The following DIAPH2 variants were observed in gnomAD, a reference collection of about 807,000 sequenced individuals.
The protein encoded by DIAPH2 is diaphanous related formin 2.
Under a neutral mutation model 92.7 loss-of-function variants are expected in DIAPH2, and 35 were observed. The observed-to-expected ratio is 0.38, with a 90% CI of 0.29 to 0.50. The LOEUF is 0.50. Ranked by LOEUF, DIAPH2 falls within the 20% of genes least tolerant of loss-of-function variation. The pLI, the probability that DIAPH2 is intolerant of heterozygous loss-of-function variation, is 0.94. For synonymous variants in DIAPH2, 301 were observed against 280.4 expected (o/e 1.07, Z -0.73); for missense variants, 701 against 819.5 (o/e 0.86, Z 1.77).
At chrX:97,392,240 TAA>T (rs1426823985) in intron 25 of DIAPH2, among the ~76,000 whole-genome samples, 1 of 111,425 alleles carries the variant, frequency 9.0e-6, no homozygotes, top group Non-Finnish European at 1.9e-5. Context: ...TAGTGAAGAT[TAA>T]GTGAGATAAT....
At chrX:96,806,907 A>AT (rs1429822647) in intron 4 of DIAPH2, among the ~76,000 whole-genome samples, 3 of 108,744 alleles carry the variant, frequency 2.8e-5, no homozygotes, top group Non-Finnish European at 5.7e-5. Flanking sequence ...CGCCCATCTA[A>AT]TTTTTTGTAT....
chrX:96,685,301 T>A, intron 1 of DIAPH2, 111 bp downstream of exon 1: 1 of 857,896 alleles, frequency 1.2e-6, no homozygotes, highest in Non-Finnish European at 1.5e-6. Context: ...GACCGCGACC[T>A]CGCTGTGCAA....
At chrX:97,111,977 G>A (rs183069728) in intron 20 of DIAPH2, among the ~76,000 whole-genome samples, 2 of 112,490 alleles carry the variant, frequency 1.8e-5, no homozygotes, top group African/African-American at 6.4e-5. Flanking sequence ...CTGGCACAAA[G>A]TACTTAATAA....
At chrX:96,826,839 A>G (rs748865230) in intron 4 of DIAPH2, among the ~76,000 whole-genome samples, 12 of 112,179 alleles carry the variant, frequency 1.1e-4, no homozygotes, top group South Asian at 3.7e-4. Context: ...CTCCCATCTC[A>G]GCCTCCCAAG....
At chrX:97,202,958 A>G (rs1225385633) in intron 22 of DIAPH2, among the ~76,000 whole-genome samples, 1 of 112,326 alleles carries the variant, frequency 8.9e-6, no homozygotes, top group Non-Finnish European at 1.9e-5. Flanking sequence ...AACAATGGAA[A>G]TCATAACAAG....
intron 24 of DIAPH2, among the ~76,000 whole-genome samples, chrX:97,369,152 C>T (rs1245170245): frequency 9.0e-6 from 1 of 111,043 alleles, no homozygotes; most frequent in Non-Finnish European, 1.9e-5. Context: ...AGGTGATCCG[C>T]CCGCCTCAGC....
At chrX:97,136,770 G>A (rs1428059356) in intron 21 of DIAPH2, among the ~76,000 whole-genome samples, 2 of 110,538 alleles carry the variant, frequency 1.8e-5, no homozygotes, top group Non-Finnish European at 3.8e-5. Context: ...AAAGCTTTTG[G>A]AGTCTTTGAT....
rs72265655 is a variant in DIAPH2 at position 97,321,544 on chromosome X, A to ATTT, written c.2845-26551_2845-26549dup. 1.5e-3 allele frequency among the ~76,000 whole-genome samples: 75 copies of ATTT among 48,406 alleles called. 1 individual carries two copies. The highest frequency in any genetic ancestry group is 1.8e-3 in the African/African-American group (24 of 13,057). 42.0% of individuals were successfully genotyped at this position (48,406 alleles called of 115,157 possible). ...TATGTGTTTTTGTTGTTGTGTTGTT[A>ATTT]TTTTTTTTTTTTTTTTTTTTTTTGA... On this transcript the variant is annotated intron_variant, in intron 23 of 26. Transcript: ENST00000324765.
intron 26 of DIAPH2, chrX:97,442,852 C>A (rs2070273198): frequency 8.9e-6 from 1 of 111,920 alleles, no homozygotes; most frequent in Admixed American, 9.5e-5. Flanking sequence ...ATCTTAAGCG[C>A]CACAGTTGTT....
chrX:96,692,548 C>A (rs2063803269), intron 1 of DIAPH2, among the ~76,000 whole-genome samples: 1 of 112,109 alleles, frequency 8.9e-6, no homozygotes, highest in Non-Finnish European at 1.9e-5. Flanking sequence ...AAGTTCACTT[C>A]TGTCTTTAAT....
At position 96,912,643 on chromosome X, in the gene DIAPH2, AT is replaced by A. The variant is rs200832036; in HGVS notation, c.732+99del. 2.5e-4 allele frequency: 242 copies of A among 977,969 alleles called. No homozygotes were observed. The African/African-American group carries it at 3.3e-3, about 13-fold the overall frequency. 80.6% of individuals were successfully genotyped at this position (977,969 alleles called of 1,213,427 possible). ...GAAATGAACAAAATATTTTTTTATT[AT>A]TTTTTTTAATTTCCAGGGTACATGT... On this transcript the variant is annotated intron_variant, in intron 7 of 26. Coordinates refer to ENST00000324765, the MANE Select transcript of DIAPH2 (RefSeq NM_006729.5).
At chrX:97,224,750 G>A (rs749790745) in intron 22 of DIAPH2, among the ~76,000 whole-genome samples, 32 of 111,558 alleles carry the variant, frequency 2.9e-4, no homozygotes, top group Admixed American at 1.5e-3. Flanking sequence ...ATATCTAAGT[G>A]TGCTAAGAAT....
chrX:97,252,681 T>C (rs2068197905), intron 23 of DIAPH2, among the ~76,000 whole-genome samples: 2 of 107,328 alleles, frequency 1.9e-5, no homozygotes, highest in Non-Finnish European at 3.8e-5. Context: ...AAAATAGAAA[T>C]GAAAGCAAAA....
intron 26 of DIAPH2, among the ~76,000 whole-genome samples, chrX:97,538,548 C>T (rs1192037879): frequency 9.0e-6 from 1 of 111,186 alleles, no homozygotes; most frequent in Non-Finnish European, 1.9e-5. Flanking sequence ...TGAAATTAAA[C>T]ATTTTTAATA....
At chrX:97,588,498 A>G (rs1164696530) in intron 26 of DIAPH2, among the ~76,000 whole-genome samples, 2 of 108,956 alleles carry the variant, frequency 1.8e-5, no homozygotes, top group Non-Finnish European at 1.9e-5. Context: ...TGTGATTTTT[A>G]TCATTGAAGT....
At chrX:97,015,657 A>G (rs1309382877) in intron 17 of DIAPH2, among the ~76,000 whole-genome samples, 1 of 110,947 alleles carries the variant, frequency 9.0e-6, no homozygotes, top group Non-Finnish European at 1.9e-5. Flanking sequence ...TGGCTTTGTA[A>G]CACATCTTCC....
intron 5 of DIAPH2, among the ~76,000 whole-genome samples, chrX:96,888,666 C>T (rs1156378442): frequency 2.9e-4 from 29 of 99,209 alleles, no homozygotes; most frequent in African/African-American, 9.7e-4. Flanking sequence ...CATGTATATA[C>T]AGATATATAT....
At position 97,429,681 on chromosome X, in the gene DIAPH2, T is replaced by C; in HGVS notation, c.3177T>C (p.Leu1059=). 1 of 1,210,574 alleles carries C rather than the reference T, an allele frequency of 8.3e-7. No homozygotes were observed. The highest frequency in any genetic ancestry group is 1.1e-6 in the Non-Finnish European group (1 of 895,160). ...ATGAGACTGGTGTGATGGATAATCTTCTAGAAGCCCTACAATCAGGTGCAG... is the reference window on the plus strand; with the variant it reads ...ATGAGACTGGTGTGATGGATAATCTCCTAGAAGCCCTACAATCAGGTGCAG... ...EGDETGVMDN[L]LEALQSGAAF... Residue 1059 remains leucine (L), a synonymous_variant, in exon 26 of 27, where the codon CTT becomes CTC. Transcript: ENST00000324765.
chrX:97,112,765 C>CT lies in DIAPH2; in HGVS notation c.2350-1931dup, dbSNP rs60721723. ...CTTCCTTCCTTCTTTCCCTTTCTTTCTTTTTTTTTTTTTTTTTTTTTTTTT... is the reference window on the plus strand; with the variant it reads ...CTTCCTTCCTTCTTTCCCTTTCTTTCTTTTTTTTTTTTTTTTTTTTTTTTTT... On this transcript the variant is annotated intron_variant, in intron 20 of 26. Transcript: ENST00000324765. 6.2e-3 allele frequency among the ~76,000 whole-genome samples: 231 copies of CT among 37,250 alleles called. 14 individuals are homozygous for CT. Among genetic ancestry groups the CT allele is most frequent in the African/African-American group, 8.6e-3 (71 of 8,245 alleles). 32.3% of individuals were successfully genotyped at this position (37,250 alleles called of 115,157 possible). A position where few individuals can be genotyped will look rare whatever the true frequency, so the allele number is the denominator to read the frequency against.
Sources: allele counts gnomAD v4.1 joint callset (sites outside exome capture counted in the v4.1 genomes callset), GRCh38; gene constraint gnomAD v4.1.1; transcripts MANE v1.5; gene names NCBI Gene and HGNC (gene_info 2026-07-23, HGNC 2026-07-21).